Variants in COL23A1 observed in about 807,000 individuals in gnomAD.
COL23A1 encodes the protein collagen type XXIII alpha 1 chain.
A neutral mutation model predicts 99.3 loss-of-function variants in COL23A1; 97 were observed. That is an observed-to-expected ratio of 0.98 (90% confidence interval 0.83 to 1.16). COL23A1 has a LOEUF of 1.16. Among genes scored for constraint, COL23A1 ranks in the 50% most tolerant of loss-of-function variants. The probability of loss-of-function intolerance (pLI) is 0.00; values close to 1 mark genes in which losing one functional copy is unlikely to be tolerated. For synonymous variants in COL23A1, 320 were observed against 308.2 expected, an observed-to-expected ratio of 1.04 and a Z score of -0.40; for missense variants, 762 against 757.4, an observed-to-expected ratio of 1.01 and a Z score of -0.07.
intron 2 of COL23A1, among the ~76,000 whole-genome samples, chr5:178,554,127 AC>A (rs1017218205): frequency 1.6e-4 from 24 of 151,626 alleles, no homozygotes; most frequent in African/African-American, 5.6e-4. Context: ...GGAAGTCAAC[AC>A]ACTTTCCCCT....
Position 178,384,316 on chromosome 5 carries a change from C to T in COL23A1, c.362-77397G>A, listed in dbSNP as rs1474353226. On this transcript the variant is annotated intron_variant, in intron 2 of 28. Transcript: ENST00000390654. The surrounding 1 kb of genome is among the most constrained non-coding windows in gnomAD (Gnocchi z 5.5). Reference sequence around the variant, plus strand: ...CGGCGACGGAGGCCCGGCCTGGCCACTGCCTGGCGTTTTCTCATAAACCAG... The same window carrying T: ...CGGCGACGGAGGCCCGGCCTGGCCATTGCCTGGCGTTTTCTCATAAACCAG... 6.6e-6 allele frequency among the ~76,000 whole-genome samples: 1 copy of T among 152,248 alleles called. No homozygotes were observed. Among genetic ancestry groups the T allele is most frequent in the Non-Finnish European group, 1.5e-5 (1 of 68,042 alleles).
rs537173941 is a variant in COL23A1, at chr5:178,576,395, C to T, written c.294+13509G>A. Among the ~76,000 whole-genome samples the T allele has an allele frequency of 2.0e-5, 3 of 152,300 alleles. No homozygotes were observed. In the East Asian group the frequency reaches 5.8e-4, roughly 30 times the overall value. On this transcript the variant is annotated intron_variant, in intron 1 of 28. Transcript: ENST00000390654. ...CTGGGACTACAGGCGCCCCCCACCA[C>T]GCCTGATTTTTGTATTTTTAGTAGA...
intron 2 of COL23A1, among the ~76,000 whole-genome samples, chr5:178,512,236 T>C (rs888999938): frequency 1.6e-4 from 25 of 152,238 alleles, no homozygotes; most frequent in Admixed American, 4.6e-4. Context: ...ATTAGTGGTA[T>C]TGTAGAATTG....
chr5:178,350,202 G>A (rs1403428924), intron 2 of COL23A1, among the ~76,000 whole-genome samples: 1 of 152,200 alleles, frequency 6.6e-6, no homozygotes, highest in Admixed American at 6.5e-5. Flanking sequence ...CCTCCTCCAG[G>A]ACGCCCACCT....
At chr5:178,559,560 G>A (rs1762452526) in intron 2 of COL23A1, among the ~76,000 whole-genome samples, 1 of 135,986 alleles carries the variant, frequency 7.4e-6, no homozygotes, top group African/African-American at 3.1e-5. Flanking sequence ...ACGTCGAGAA[G>A]TCTGAGACAC....
At chr5:178,454,026 G>A (rs1211286685) in intron 2 of COL23A1, among the ~76,000 whole-genome samples, 1 of 152,142 alleles carries the variant, frequency 6.6e-6, no homozygotes, top group African/African-American at 2.4e-5. Context: ...AAAAAAAAGA[G>A]ACGTATTTAT....
intron 2 of COL23A1, among the ~76,000 whole-genome samples, chr5:178,411,342 G>A (rs1344821684): frequency 1.3e-5 from 2 of 152,102 alleles, no homozygotes; most frequent in African/African-American, 4.8e-5. Flanking sequence ...ATACATACAT[G>A]TACGTTTACA....
chr5:178,258,262 T>TATATATATATAC lies in COL23A1; in HGVS notation c.730-696_730-695insGTATATATATAT. ...ATATATATATATATATATATATATATACACATGCAAATCAATTCTAGGCAC... is the reference window on the plus strand; with the variant it reads ...ATATATATATATATATATATATATATATATATATATACACACATGCAAATCAATTCTAGGCAC... On this transcript the variant is annotated intron_variant, in intron 12 of 28. Coordinates refer to ENST00000390654, the MANE Select transcript of COL23A1 (RefSeq NM_173465.4). Among the ~76,000 whole-genome samples, 31 of 104,120 alleles carry TATATATATATAC rather than the reference T, an allele frequency of 3.0e-4. 2 individuals are homozygous for TATATATATATAC. Among genetic ancestry groups the TATATATATATAC allele is most frequent in the South Asian group, 2.3e-3 (6 of 2,580 alleles). 68.3% of individuals were successfully genotyped at this position (104,120 alleles called of 152,430 possible). A position where few individuals can be genotyped will look rare whatever the true frequency, so the allele number is the denominator to read the frequency against.
At chr5:178,301,840 G>A (rs1045097892) in intron 3 of COL23A1, among the ~76,000 whole-genome samples, 64 of 151,564 alleles carry the variant, frequency 4.2e-4, no homozygotes, top group Non-Finnish European at 8.5e-4. Flanking sequence ...CTGTGTGTGC[G>A]CCGGAGCACA....
At chr5:178,484,921 G>A (rs955016062) in intron 2 of COL23A1, among the ~76,000 whole-genome samples, 1 of 151,864 alleles carries the variant, frequency 6.6e-6, no homozygotes, top group Non-Finnish European at 1.5e-5. Context: ...CCAGCATATC[G>A]GAAGTGTCCC....
chr5:178,559,584 C>G (rs1762453451), intron 2 of COL23A1, among the ~76,000 whole-genome samples: 1 of 126,372 alleles, frequency 7.9e-6, no homozygotes, highest in Non-Finnish European at 1.6e-5. Flanking sequence ...ACCCAAAAGT[C>G]ACCTTTCCCT....
rs2127711648 is a variant in COL23A1 at position 178,365,143 on chromosome 5, GT to G, written c.362-58225del. ...ATGATGTTGCTGTGTGTGCGTGTGT[GT>G]GTGTGTGTGTGTGTGTGTGTGTGTG... On this transcript the variant is annotated intron_variant, in intron 2 of 28. Coordinates refer to ENST00000390654, the MANE Select transcript of COL23A1 (RefSeq NM_173465.4). The surrounding 1 kb of genome is among the most constrained non-coding windows in gnomAD (Gnocchi z 5.2). 7.1e-6 allele frequency among the ~76,000 whole-genome samples: 1 copy of G among 141,622 alleles called. No individual in the cohort carries two copies. The highest frequency in any genetic ancestry group is 1.5e-5 in the Non-Finnish European group (1 of 66,264). 92.9% of individuals were successfully genotyped at this position (141,622 alleles called of 152,430 possible).
chr5:178,552,725 A>AT (rs1420383667), intron 2 of COL23A1, among the ~76,000 whole-genome samples: 5 of 113,618 alleles, frequency 4.4e-5, no homozygotes, highest in South Asian at 2.8e-4. Flanking sequence ...AAAAAAAAAA[A>AT]TTTTTTTCAG....
chr5:178,483,078 A>G (rs1757427006), intron 2 of COL23A1, among the ~76,000 whole-genome samples: 1 of 152,040 alleles, frequency 6.6e-6, no homozygotes, highest in South Asian at 2.1e-4. Context: ...TCTCGAAAAG[A>G]AAAAGAAAAA....
chr5:178,470,065 A>T (rs1378616437), intron 2 of COL23A1, among the ~76,000 whole-genome samples: 1 of 152,176 alleles, frequency 6.6e-6, no homozygotes, highest in African/African-American at 2.4e-5. Context: ...CTAATTCCAA[A>T]GTACTCCATC....
intron 3 of COL23A1, 89 bp from the exon 4 acceptor site, chr5:178,290,458 G>A: frequency 6.4e-7 from 1 of 1,554,940 alleles, no homozygotes; most frequent in Non-Finnish European, 8.9e-7. Context: ...CCTGTCCTCA[G>A]CACGGCTCCT....
At chr5:178,528,952 C>G (rs977595658) in intron 2 of COL23A1, among the ~76,000 whole-genome samples, 2 of 152,252 alleles carry the variant, frequency 1.3e-5, no homozygotes, top group Admixed American at 6.5e-5. Context: ...TATCAGTTAC[C>G]TATCACCTCA....
At chr5:178,327,248 C>A (rs569438965) in intron 2 of COL23A1, among the ~76,000 whole-genome samples, 1 of 152,296 alleles carries the variant, frequency 6.6e-6, no homozygotes, top group Non-Finnish European at 1.5e-5. Context: ...GAGTAGCTCA[C>A]AATAATCTGG....
intron 2 of COL23A1, among the ~76,000 whole-genome samples, chr5:178,537,119 C>T (rs1761009435): frequency 6.6e-6 from 1 of 152,228 alleles, no homozygotes. Flanking sequence ...ACATGATTTC[C>T]ATGGAAGGCG....
Sources: gnomAD v4.1 joint callset for allele counts (sites outside exome capture counted in the v4.1 genomes callset) on GRCh38, gnomAD v4.1.1 for gene constraint, Gnocchi (gnomAD v3.1) non-coding constraint, MANE v1.5 for transcripts, NCBI Gene and HGNC (gene_info 2026-07-23, HGNC 2026-07-21) for gene names.